The following RSPO2 variants were observed in gnomAD, a reference collection of about 807,000 sequenced individuals.
The protein encoded by RSPO2 is R-spondin-2.
In RSPO2, 14 loss-of-function variants were observed where a neutral mutation model predicts 30.9. That is an observed-to-expected ratio of 0.45 (90% CI 0.30 to 0.71). The LOEUF (loss-of-function observed/expected upper bound fraction) is 0.71. Among genes scored for constraint, RSPO2 ranks in the 30% least tolerant of loss-of-function variants. RSPO2 has a pLI of 0.08. For missense variants in RSPO2, 264 were observed against 301.9 expected (o/e 0.87, Z 0.93); for synonymous variants, 107 against 96.4 (o/e 1.11, Z -0.64).
At chr8:108,057,581 C>T (rs1482197032) in intron 2 of RSPO2, among the ~76,000 whole-genome samples, 2 of 152,040 alleles carry the variant, frequency 1.3e-5, no homozygotes, top group South Asian at 4.1e-4. Context: ...AAATAACATT[C>T]AAAATTCAAA....
In RSPO2 at chr8:108,031,755, C is replaced by G. The variant is rs200702837; in HGVS notation, c.95-42511G>C. ...TGTAAGTGAAGGAGGGAAAAAATGA[C>G]CTTGAACAGGAGATGCATCAATCTG... On this transcript the variant is annotated intron_variant, in intron 2 of 5. Transcript: ENST00000276659. Among the ~76,000 whole-genome samples the G allele has an allele frequency of 3.3e-5, 5 of 152,046 alleles. No homozygotes were observed. The East Asian group carries it at 9.6e-4, about 29-fold the overall frequency.
chr8:108,003,738 T>G (rs989324873), intron 2 of RSPO2, among the ~76,000 whole-genome samples: 1 of 152,136 alleles, frequency 6.6e-6, no homozygotes, highest in African/African-American at 2.4e-5. Context: ...GTTTTCACAC[T>G]TTTTGAAAGT....
chr8:108,041,235 T>C (rs1158637294), intron 2 of RSPO2, among the ~76,000 whole-genome samples: 1 of 144,658 alleles, frequency 6.9e-6, no homozygotes, highest in African/African-American at 2.6e-5. Context: ...AAGAGCCCTA[T>C]GATGATAATA....
chr8:107,999,559 C>T (rs1265962101), intron 2 of RSPO2, among the ~76,000 whole-genome samples: 3 of 152,076 alleles, frequency 2.0e-5, no homozygotes, highest in South Asian at 2.1e-4. Context: ...CTCAGCCTCC[C>T]GAGTAGTTGG....
At chr8:108,052,587 G>T (rs1025344486) in intron 2 of RSPO2, among the ~76,000 whole-genome samples, 6 of 152,128 alleles carry the variant, frequency 3.9e-5, no homozygotes, top group Admixed American at 2.6e-4. Flanking sequence ...ATATAAGCAA[G>T]AAAATGTCCA....
At chr8:108,026,384 T>C (rs1811218585) in intron 2 of RSPO2, among the ~76,000 whole-genome samples, 1 of 152,192 alleles carries the variant, frequency 6.6e-6, no homozygotes, top group East Asian at 1.9e-4. Context: ...AAAATTTGAA[T>C]GTTATCTAGA....
chr8:107,912,951 T>C lies in RSPO2; in HGVS notation c.617-11761A>G, dbSNP rs547699894. ...TCATTTCATATTTAAAATATCCCTA[T>C]GAAATACTTTATTCCTTTTTTATTT... On this transcript the variant is annotated intron_variant, in intron 5 of 5. Transcript: ENST00000276659. 9.8e-5 allele frequency among the ~76,000 whole-genome samples: 15 copies of C among 152,368 alleles called. No homozygotes were observed. In the South Asian group the frequency reaches 2.1e-3, roughly 21 times the overall value.
intron 5 of RSPO2, among the ~76,000 whole-genome samples, chr8:107,901,715 T>C (rs1006100479): frequency 2.0e-5 from 3 of 152,258 alleles, no homozygotes; most frequent in Non-Finnish European, 4.4e-5. Flanking sequence ...TGCAATCCTT[T>C]ATTTTCTATA....
chr8:107,941,527 T>C (rs1812896638), intron 5 of RSPO2, among the ~76,000 whole-genome samples: 1 of 152,196 alleles, frequency 6.6e-6, no homozygotes, highest in African/African-American at 2.4e-5. Context: ...GTAAAATCCA[T>C]TAAGATAGCC....
intron 5 of RSPO2, among the ~76,000 whole-genome samples, chr8:107,924,312 C>A (rs1325078383): frequency 1.3e-5 from 2 of 151,908 alleles, no homozygotes; most frequent in East Asian, 3.9e-4. Flanking sequence ...TTGCATATAT[C>A]AAACAATAAA....
intron 2 of RSPO2, 162 bp from the exon 3 acceptor site, chr8:107,989,406 A>G: frequency 1.9e-6 from 1 of 539,332 alleles, no homozygotes; most frequent in Non-Finnish European, 3.1e-6. Context: ...CCTCCACCCA[A>G]AAAGTTGTTA....
intron 2 of RSPO2, among the ~76,000 whole-genome samples, chr8:108,067,145 A>G (rs1812697262): frequency 1.3e-5 from 2 of 152,356 alleles, no homozygotes; most frequent in South Asian, 4.1e-4. Context: ...CTGAGTGGGA[A>G]GGAAGTAATA....
At chr8:108,028,899 T>C (rs918379537) in intron 2 of RSPO2, among the ~76,000 whole-genome samples, 3 of 152,068 alleles carry the variant, frequency 2.0e-5, no homozygotes, top group Non-Finnish European at 4.4e-5. Flanking sequence ...TCATAGCACA[T>C]TGTACAGGGC....
chr8:107,980,276 T>G (rs983317707), intron 3 of RSPO2, among the ~76,000 whole-genome samples: 1 of 152,110 alleles, frequency 6.6e-6, no homozygotes, highest in Non-Finnish European at 1.5e-5. Context: ...ATATCAGCAG[T>G]AAATGTTTGC....
At chr8:107,947,655 G>T (rs1813108926) in intron 5 of RSPO2, among the ~76,000 whole-genome samples, 1 of 152,114 alleles carries the variant, frequency 6.6e-6, no homozygotes, top group African/African-American at 2.4e-5. Flanking sequence ...CCTAAATCAG[G>T]GATGTACAGT....
intron 5 of RSPO2, among the ~76,000 whole-genome samples, chr8:107,947,673 C>A (rs1359956634): frequency 6.6e-6 from 1 of 152,212 alleles, no homozygotes; most frequent in African/African-American, 2.4e-5. Flanking sequence ...AGTTGATCCT[C>A]TTCCTAACAC....
intron 5 of RSPO2, among the ~76,000 whole-genome samples, chr8:107,934,335 C>A (rs1003438925): frequency 3.3e-5 from 5 of 151,042 alleles, no homozygotes; most frequent in Admixed American, 6.6e-5. Flanking sequence ...TTAAAAAAAA[C>A]CAGACTCATT....
chr8:108,057,323 A>T (rs1261766414), intron 2 of RSPO2, among the ~76,000 whole-genome samples: 1 of 152,094 alleles, frequency 6.6e-6, no homozygotes, highest in Admixed American at 6.5e-5. Context: ...GGAAGGATAA[A>T]ATGCAAAATG....
At chr8:107,974,137 GGGT>G (rs1814122689) in intron 3 of RSPO2, among the ~76,000 whole-genome samples, 1 of 152,108 alleles carries the variant, frequency 6.6e-6, no homozygotes. Flanking sequence ...AACTGTTCCA[GGGT>G]GGTCCCAGAA....
Sources: gnomAD v4.1 joint callset for allele counts (sites outside exome capture counted in the v4.1 genomes callset) on GRCh38, gnomAD v4.1.1 for gene constraint, MANE v1.5 for transcripts, NCBI Gene and HGNC (gene_info 2026-07-23, HGNC 2026-07-21) for gene names.